Variants in TSPOAP1 observed in about 807,000 individuals in gnomAD.
TSPOAP1 encodes the protein peripheral-type benzodiazepine receptor-associated protein 1.
Under a neutral mutation model 197.0 loss-of-function variants are expected in TSPOAP1, and 87 were observed. The ratio of observed to expected loss-of-function variants is 0.44; its 90% confidence interval spans 0.37 to 0.53. The LOEUF (loss-of-function observed/expected upper bound fraction) is 0.53. TSPOAP1 is among the 20% of genes least tolerant of loss of function. The probability of loss-of-function intolerance (pLI) is 0.00; values close to 1 mark genes in which losing one functional copy is unlikely to be tolerated. For missense variants in TSPOAP1, 2,174 were observed against 2,411.3 expected (o/e 0.90, Z 2.06); for synonymous variants, 913 against 998.9 (o/e 0.91, Z 1.62).
At position 58,325,551 on chromosome 17, in the gene TSPOAP1, G is replaced by A; in HGVS notation, c.733C>T (p.Leu245Phe). ...QRECRELQAR[L>F]TLVGKEGPQW... ...CCTCGCACCTTGCCCACCAGAGTGA[G>A]CCTGGCCTGCAGCTCCCTGCACTCC... The change falls in exon 4 of 32, where the codon CTC (leucine) becomes TTC (phenylalanine). Residue 245 changes from leucine to phenylalanine, a missense_variant. Transcript: ENST00000343736. 2 of 1,612,560 alleles carry A rather than the reference G, an allele frequency of 1.2e-6. No individual in the cohort carries two copies. Among genetic ancestry groups the A allele is most frequent in the Non-Finnish European group, 1.7e-6 (2 of 1,180,020 alleles).
chr17:58,312,662 T>G lies in TSPOAP1; in HGVS notation c.2159A>C (p.Asp720Ala), dbSNP rs1274553306. The G allele has an allele frequency of 6.2e-7, 1 of 1,613,628 alleles. No individual in the cohort carries two copies. The highest frequency in any genetic ancestry group is 1.1e-5 in the South Asian group (1 of 91,076). The change falls in exon 17 of 32, where the codon GAT becomes GCT. Residue 720 changes from aspartate (D) to alanine (A), a missense_variant. This residue lies in a region of TSPOAP1 where 1,933 missense variants were observed against 2,139.0 expected (regional missense o/e 0.90). Transcript: ENST00000343736. Reference protein sequence around the residue: ...VPSNFVERVSDDDLLTSLPPE... With the variant: ...VPSNFVERVSADDLLTSLPPE... ...AGGGAGGGAGGTCAGGAGGTCATCA[T>G]CCGACACACGCTCTACAAAATTGGA...
In TSPOAP1 at chr17:58,322,361, G is replaced by T; in HGVS notation, c.1369C>A (p.Gln457Lys). 6.2e-7 allele frequency: 1 copy of T among 1,606,018 alleles called. No individual in the cohort carries two copies. Residue 457 changes from glutamine to lysine, a missense_variant, in exon 10 of 32, where the codon CAG becomes AAG. By Grantham distance (53) the Gln-to-Lys change is moderately conservative. Transcript: ENST00000343736. The surrounding 1 kb of genome is among the most constrained non-coding windows in gnomAD (Gnocchi z 5.0). The part of the protein sequence containing the change: ...RRQQLEVEHE[Q>K]ARLSLREKQE... ...TTCTCCCGTAGGCTGAGCCGAGCCT[G>T]TTCATGCTCCACCTCCAGCTGCTGC...
chr17:58,311,986 C>T lies in TSPOAP1; in HGVS notation c.2835G>A (p.Val945=), dbSNP rs1598063983. ...LRPGTPYQAQ[V]EAQLPPQGPW... is the part of the protein sequence containing the mutation. ...GCCCTTGGGGTGGGAGCTGAGCCTCCACTTGGGCCTGATAGGGTGTGCCAG... is the reference window on the plus strand; with the variant it reads ...GCCCTTGGGGTGGGAGCTGAGCCTCTACTTGGGCCTGATAGGGTGTGCCAG... The change falls in exon 17 of 32, where the codon GTG becomes GTA. Residue 945 remains valine, a synonymous_variant. Coordinates refer to ENST00000343736, the MANE Select transcript of TSPOAP1 (RefSeq NM_004758.4). 6.2e-7 allele frequency: 1 copy of T among 1,612,054 alleles called. No homozygotes were observed. Among genetic ancestry groups the T allele is most frequent in the African/African-American group, 1.3e-5 (1 of 75,048 alleles).
At position 58,304,883 on chromosome 17, in the gene TSPOAP1, G is replaced by C. The variant is rs759554770; in HGVS notation, c.5544+178C>G. 5 of 700,280 alleles carry C rather than the reference G, an allele frequency of 7.1e-6. No homozygotes were observed. In the South Asian group the frequency reaches 7.5e-5, roughly 11 times the overall value. 43.4% of individuals were successfully genotyped at this position (700,280 alleles called of 1,614,324 possible). A position where few individuals can be genotyped will look rare whatever the true frequency, so the allele number is the denominator to read the frequency against. ...CCTCTGCAGAGAGGGGCACATACTG[G>C]GGGGCAGCTGCTTGGTGGGGCTCCC... On this transcript the variant is annotated intron_variant, in intron 30 of 31. Transcript: ENST00000343736. This position sits in a 1 kb window ranked among gnomAD's most constrained non-coding sequence, Gnocchi z 4.2.
At position 58,324,771 on chromosome 17, in the gene TSPOAP1, C is replaced by CATTAAAAA; in HGVS notation, c.942+39_942+40insTTTTTAAT. 2 of 1,383,120 alleles carry CATTAAAAA rather than the reference C, an allele frequency of 1.4e-6. No homozygotes were observed. Among genetic ancestry groups the CATTAAAAA allele is most frequent in the Admixed American group, 3.0e-5 (1 of 33,026 alleles). 85.7% of individuals were successfully genotyped at this position (1,383,120 alleles called of 1,614,324 possible). On this transcript the variant is annotated intron_variant, in intron 5 of 31. Coordinates refer to ENST00000343736, the MANE Select transcript of TSPOAP1 (RefSeq NM_004758.4). The surrounding 1 kb of genome is among the most constrained non-coding windows in gnomAD (Gnocchi z 5.8). ...CCCGGTGGTCGTTCCCCCCACCCAT[C>CATTAAAAA]TGCACGCACCCACACACCTGCCCTT...
chr17:58,317,572 G>A (rs1971278478), intron 14 of TSPOAP1, among the ~76,000 whole-genome samples: 1 of 152,178 alleles, frequency 6.6e-6, no homozygotes, highest in Non-Finnish European at 1.5e-5. Context: ...CCACGAGGGG[G>A]CAATAGAGGC....
chr17:58,310,398 G>A, intron 20 of TSPOAP1, 114 bp downstream of exon 20: 2 of 1,475,088 alleles, frequency 1.4e-6, no homozygotes, highest in Middle Eastern at 1.8e-4. Flanking sequence ...AAAGGTGTGA[G>A]AGCAGGACCA....
chr17:58,306,672 A>C, intron 25 of TSPOAP1, 128 bp downstream of exon 25: 1 of 1,238,600 alleles, frequency 8.1e-7, no homozygotes, highest in Non-Finnish European at 1.1e-6. Context: ...GCAGGGTTCA[A>C]GGCAGGCTCC....
rs571253880 is a variant in TSPOAP1 at position 58,305,990 on chromosome 17, T to G, written c.5225-125A>C. The G allele has an allele frequency of 2.0e-4, 210 of 1,051,280 alleles. 4 individuals carry two copies. The South Asian group carries it at 2.9e-3, about 15-fold the overall frequency. The allele number at this position is 1,051,280 out of a possible 1,614,324, so 65.1% of individuals were successfully genotyped here. On this transcript the variant is annotated intron_variant, in intron 26 of 31. Transcript: ENST00000343736. ...GGCAAGGAAGGCTGCCGAGGGCGCA[T>G]CTCCCCAACCCTTTTGTGTGGCAGT...
In TSPOAP1 at chr17:58,327,655, T is replaced by C. The variant is rs1216180724; in HGVS notation, c.266A>G (p.Gln89Arg). The C allele has an allele frequency of 1.9e-6, 3 of 1,613,684 alleles. No homozygotes were observed. Among genetic ancestry groups the C allele is most frequent in the Non-Finnish European group, 2.5e-6 (3 of 1,180,038 alleles). The stretch of plus-strand genomic sequence containing the variant: ...GGCGGGTCCAGAGCTGGATGCTTGC[T>C]GGCCCAGGCTGGGCAGACAAGCCTC... The part of the protein sequence containing the change: ...GAEACLPSLG[Q>R]QASSSGPACQ... Residue 89 changes from glutamine (Q) to arginine (R), a missense_variant, in exon 1 of 32, where the codon CAG becomes CGG. Physicochemically the swap from Gln to Arg is conservative, Grantham distance 43 (BLOSUM62 1). This residue lies in a region of TSPOAP1 where 1,933 missense variants were observed against 2,139.0 expected (regional missense o/e 0.90). Coordinates refer to ENST00000343736, the MANE Select transcript of TSPOAP1 (RefSeq NM_004758.4).
chr17:58,311,665 A>G lies in TSPOAP1; in HGVS notation c.2987T>C (p.Leu996Ser), dbSNP rs1399389439. 1.2e-5 allele frequency: 20 copies of G among 1,610,090 alleles called. No individual in the cohort carries two copies. The highest frequency in any genetic ancestry group is 1.7e-5 in the Non-Finnish European group (20 of 1,177,498). The change falls in exon 18 of 32, where the codon TTG (leucine) becomes TCG (serine). Residue 996 changes from leucine (L) to serine (S), a missense_variant. Physicochemically the swap from Leu to Ser is moderately radical, Grantham distance 145. Transcript: ENST00000343736. ...GGTGACTGGGAGCCAACTGATGATCAAGATCCCAGGGGAGGGCCCAGGCTC... is the reference window on the plus strand; with the variant it reads ...GGTGACTGGGAGCCAACTGATGATCGAGATCCCAGGGGAGGGCCCAGGCTC... ...QIEPGPSPGI[L>S]IISWLPVTID...
intron 14 of TSPOAP1, 149 bp from the exon 15 acceptor site, chr17:58,316,689 C>A: frequency 1.6e-6 from 1 of 620,224 alleles, no homozygotes; most frequent in Non-Finnish European, 2.8e-6. Context: ...GCAAGGACCC[C>A]CTGATGCTCT....
chr17:58,309,688 A>G lies in TSPOAP1; in HGVS notation c.3891+279T>C, dbSNP rs1483429850. Among the ~76,000 whole-genome samples the G allele has an allele frequency of 6.6e-6, 1 of 152,184 alleles. No homozygotes were observed. Among genetic ancestry groups the G allele is most frequent in the Non-Finnish European group, 1.5e-5 (1 of 68,028 alleles). On this transcript the variant is annotated intron_variant, in intron 21 of 31. Transcript: ENST00000343736. This position sits in a 1 kb window ranked among gnomAD's most constrained non-coding sequence, Gnocchi z 5.0. ...CCCCTCCCCAGAAGCTACCAGCACA[A>G]GGATCTTAGGTGGCACCGGCCTCCC...
rs1046897530 is a variant in TSPOAP1 at position 58,311,047 on chromosome 17, A to G, written c.3248T>C (p.Leu1083Pro). 7.6e-6 allele frequency: 12 copies of G among 1,583,080 alleles called. No homozygotes were observed. In the Admixed American group the frequency reaches 1.5e-4, roughly 19 times the overall value. Residue 1083 changes from leucine to proline, a missense_variant, in exon 19 of 32, where the codon CTG (leucine) becomes CCG (proline). Physicochemically the swap from Leu to Pro is moderately conservative, Grantham distance 98 (BLOSUM62 -3). Transcript: ENST00000343736. ...PITPALAPAS[L>P]PARVSCPSPH... ...TGAGGGGCAGGAGACTCGGGCTGGC[A>G]GGCTGGCCGGAGCCAGGGCGGGAGT...
intron 22 of TSPOAP1, among the ~76,000 whole-genome samples, chr17:58,308,214 C>G (rs556058132): frequency 2.4e-4 from 37 of 152,226 alleles, no homozygotes; most frequent in African/African-American, 8.4e-4. Context: ...GAGGGCCTCC[C>G]GTCAGCATCA....
chr17:58,309,402 G>C lies in TSPOAP1; in HGVS notation c.3892-22C>G. 6.3e-7 allele frequency: 1 copy of C among 1,592,654 alleles called. No homozygotes were observed. On this transcript the variant is annotated intron_variant, in intron 21 of 31. Transcript: ENST00000343736. This position sits in a 1 kb window ranked among gnomAD's most constrained non-coding sequence, Gnocchi z 5.0. ...GGGACTGGTGGAGGTGGGGAGGTGG[G>C]AGTAGAACACAGCAGGGAAGAGAGA...
rs768973865 is a variant in TSPOAP1, at chr17:58,306,837, C to G, written c.5115G>C (p.Arg1705=). The change falls in exon 25 of 32, where the codon CGG becomes CGC. Residue 1705 remains arginine, a synonymous_variant. Coordinates refer to ENST00000343736, the MANE Select transcript of TSPOAP1 (RefSeq NM_004758.4). ...SPAGRQQLLQ[R]GYLSPDILLE... ...GGAGAATATCTGGGGACAAATAACC[C>G]CGCTGGAGCAGTTGCTGTCTCCCAG... 2.5e-6 allele frequency: 4 copies of G among 1,613,810 alleles called. No individual in the cohort carries two copies. In the South Asian group the frequency reaches 4.4e-5, roughly 18 times the overall value.
rs1202669873 is a variant in TSPOAP1 at position 58,324,669 on chromosome 17, G to C, written c.942+142C>G. On this transcript the variant is annotated intron_variant, in intron 5 of 31. Coordinates refer to ENST00000343736, the MANE Select transcript of TSPOAP1 (RefSeq NM_004758.4). The surrounding 1 kb of genome is among the most constrained non-coding windows in gnomAD (Gnocchi z 5.8). ...CTTGGAGGTGGACCCTGCCCAGGACGGGAAAGCTCCCCAGCCCCTGGGAGT... is the reference window on the plus strand; with the variant it reads ...CTTGGAGGTGGACCCTGCCCAGGACCGGAAAGCTCCCCAGCCCCTGGGAGT... 5.8e-6 allele frequency: 4 copies of C among 686,984 alleles called. No individual in the cohort carries two copies. The East Asian group carries it at 9.7e-5, about 17-fold the overall frequency. 42.6% of individuals were successfully genotyped at this position (686,984 alleles called of 1,614,324 possible).
rs754044754 is a variant in TSPOAP1 at position 58,311,731 on chromosome 17, AG to A, written c.2930-10del. On this transcript the variant is annotated splice_polypyrimidine_tract_variant and intron_variant, in intron 17 of 31. Transcript: ENST00000343736. ...AGGGGCATCAGGTGGGCCTGGGGGC[AG>A]GGGGGCACAAGACCCAGTGATGCAG... 3.2e-5 allele frequency: 50 copies of A among 1,555,260 alleles called. No homozygotes were observed. In the East Asian group the frequency reaches 9.3e-4, roughly 29 times the overall value.
Sources: gnomAD v4.1 joint callset for allele counts (sites outside exome capture counted in the v4.1 genomes callset) on GRCh38, gnomAD v4.1.1 for gene constraint, gnomAD v4.1.1 regional missense constraint, Gnocchi (gnomAD v3.1) non-coding constraint, MANE v1.5 for transcripts, NCBI Gene and HGNC (gene_info 2026-07-23, HGNC 2026-07-21) for gene names.